The following PHC2 variants were observed in gnomAD, a reference collection of about 807,000 sequenced individuals.
PHC2 encodes polyhomeotic homolog 2.
PHC2 carries 29 observed loss-of-function variants against 87.4 expected under a neutral mutation model. That is an observed-to-expected ratio of 0.33 (90% CI 0.25 to 0.45). The LOEUF (loss-of-function observed/expected upper bound fraction) is 0.45, where lower values mean the gene tolerates loss of function less well. Ranked by LOEUF, PHC2 falls within the 20% of genes least tolerant of loss-of-function variation. The pLI, the probability that PHC2 is intolerant of heterozygous loss-of-function variation, is 1.00. For missense variants in PHC2, 857 were observed against 1,136.7 expected, an observed-to-expected ratio of 0.75 and a Z score of 3.54; for synonymous variants, 438 against 461.7, an observed-to-expected ratio of 0.95 and a Z score of 0.66.
At chr1:33,403,304 T>C (rs566120736) in intron 1 of PHC2, among the ~76,000 whole-genome samples, 2 of 150,900 alleles carry the variant, frequency 1.3e-5, no homozygotes, top group Admixed American at 1.3e-4. Flanking sequence ...TTTTTGTATT[T>C]TTAGTAGAGA....
At chr1:33,410,853 TAACA>T (rs1649954797) in intron 1 of PHC2, among the ~76,000 whole-genome samples, 1 of 152,136 alleles carries the variant, frequency 6.6e-6, no homozygotes, top group Non-Finnish European at 1.5e-5. Context: ...AAATACTCAG[TAACA>T]AACAACAAAA....
chr1:33,353,012 T>C (rs750578039), intron 9 of PHC2, among the ~76,000 whole-genome samples: 21 of 152,170 alleles, frequency 1.4e-4, no homozygotes, highest in Non-Finnish European at 2.6e-4. Flanking sequence ...AAAACATGGA[T>C]CTAGGGAACA....
chr1:33,351,261 G>GT (rs1213758813), intron 9 of PHC2, among the ~76,000 whole-genome samples: 1 of 152,114 alleles, frequency 6.6e-6, no homozygotes, highest in East Asian at 1.9e-4. Flanking sequence ...TAATTTTCAT[G>GT]TATCATGAAA....
chr1:33,331,584 T>C lies in PHC2; in HGVS notation c.1892-122A>G. The C allele has an allele frequency of 1.6e-6, 1 of 637,880 alleles. No individual in the cohort carries two copies. The highest frequency in any genetic ancestry group is 2.9e-6 in the Non-Finnish European group (1 of 350,732). The allele number at this position is 637,880 out of a possible 1,614,324, so 39.5% of individuals were successfully genotyped here. A position where few individuals can be genotyped will look rare whatever the true frequency, so the allele number is the denominator to read the frequency against. The stretch of plus-strand genomic sequence containing the variant: ...TCCTCCTGCTCCCACAGCTGTGACA[T>C]ACAGCAGCATTCTAGCATGGAAAAT... On this transcript the variant is annotated intron_variant, in intron 11 of 14. Coordinates refer to ENST00000683057, the MANE Select transcript of PHC2 (RefSeq NM_001385109.1). The surrounding 1 kb of genome is among the most constrained non-coding windows in gnomAD (Gnocchi z 5.2).
chr1:33,343,787 GT>G (rs1646793360), intron 9 of PHC2, among the ~76,000 whole-genome samples: 1 of 152,212 alleles, frequency 6.6e-6, no homozygotes, highest in Non-Finnish European at 1.5e-5. Flanking sequence ...GGTATCTGAG[GT>G]TTGTGTTCCT....
intron 9 of PHC2, among the ~76,000 whole-genome samples, chr1:33,352,522 C>T (rs1038129604): frequency 5.9e-5 from 9 of 152,182 alleles, no homozygotes; most frequent in African/African-American, 2.2e-4. Context: ...TTAATCATTA[C>T]TGTTTTCTTG....
At chr1:33,407,055 T>TA (rs1158385520) in intron 1 of PHC2, among the ~76,000 whole-genome samples, 5 of 152,242 alleles carry the variant, frequency 3.3e-5, no homozygotes, top group Non-Finnish European at 5.9e-5. Flanking sequence ...TACTGATTAA[T>TA]ATGTTCACTG....
At chr1:33,343,653 A>G (rs1646790289) in intron 9 of PHC2, among the ~76,000 whole-genome samples, 1 of 152,192 alleles carries the variant, frequency 6.6e-6, no homozygotes, top group Non-Finnish European at 1.5e-5. Flanking sequence ...GAGCTTGGAC[A>G]CAGGAGTGCC....
chr1:33,385,892 G>T (rs1038009216), intron 1 of PHC2, among the ~76,000 whole-genome samples: 4 of 151,772 alleles, frequency 2.6e-5, no homozygotes, highest in African/African-American at 4.8e-5. Context: ...TGTCTCCCAG[G>T]TTCATGCAAT....
chr1:33,378,810 G>A (rs1277542338), intron 1 of PHC2, among the ~76,000 whole-genome samples: 2 of 151,890 alleles, frequency 1.3e-5, no homozygotes, highest in Non-Finnish European at 1.5e-5. Flanking sequence ...TTCCTACATG[G>A]AAAAATAATA....
chr1:33,430,138 T>C (rs1650843412), intron 1 of PHC2, among the ~76,000 whole-genome samples: 1 of 152,040 alleles, frequency 6.6e-6, no homozygotes, highest in Non-Finnish European at 1.5e-5. Context: ...GGGGGGAAGA[T>C]GAATTTAAAC....
At chr1:33,351,641 C>T (rs1161903155) in intron 9 of PHC2, among the ~76,000 whole-genome samples, 1 of 152,186 alleles carries the variant, frequency 6.6e-6, no homozygotes, top group African/African-American at 2.4e-5. Context: ...GTGCTTTGCA[C>T]AGAGCAGGCA....
chr1:33,372,587 G>A, intron 2 of PHC2, 140 bp from the exon 3 acceptor site: 1 of 597,788 alleles, frequency 1.7e-6, no homozygotes, highest in South Asian at 3.9e-5. Flanking sequence ...ACAGCCAATT[G>A]TGGCCACTCT....
chr1:33,413,603 G>A (rs1476430622), intron 1 of PHC2, among the ~76,000 whole-genome samples: 1 of 152,332 alleles, frequency 6.6e-6, no homozygotes, highest in Admixed American at 6.5e-5. Flanking sequence ...AAGATTGTAA[G>A]TTTAAAAGAC....
At chr1:33,342,663 C>G (rs1171288631) in intron 9 of PHC2, among the ~76,000 whole-genome samples, 1 of 152,166 alleles carries the variant, frequency 6.6e-6, no homozygotes, top group African/African-American at 2.4e-5. Context: ...ACCAGAGTGA[C>G]TTCCACCAGG....
chr1:33,324,788 G>GC lies in PHC2; in HGVS notation c.*76dup. 1 of 1,469,916 alleles carries GC rather than the reference G, an allele frequency of 6.8e-7. No homozygotes were observed. Among genetic ancestry groups the GC allele is most frequent in the Admixed American group, 2.2e-5 (1 of 46,332 alleles). 91.1% of individuals were successfully genotyped at this position (1,469,916 alleles called of 1,614,324 possible). A position where few individuals can be genotyped will look rare whatever the true frequency, so the allele number is the denominator to read the frequency against. On this transcript the variant is annotated 3_prime_UTR_variant, in exon 15 of 15. Transcript: ENST00000683057. ...GCCCTCCAACCGGCCCCATTTCTGG[G>GC]CCCCTCAGGAATGTCTGTCTGGCTC...
Position 33,349,764 on chromosome 1 carries a change from G to C in PHC2, c.1558+4637C>G. 1 of 981,134 alleles carries C rather than the reference G, an allele frequency of 1.0e-6. No individual in the cohort carries two copies. The highest frequency in any genetic ancestry group is 1.2e-6 in the Non-Finnish European group (1 of 828,350). The allele number at this position is 981,134 out of a possible 1,614,324, so 60.8% of individuals were successfully genotyped here. On this transcript the variant is annotated intron_variant, in intron 9 of 14. Transcript: ENST00000683057. This position sits in a 1 kb window ranked among gnomAD's most constrained non-coding sequence, Gnocchi z 4.2. ...CGCATCCGACCGCACCGGCCTGGCC[G>C]GCGTCAACAAAGGGCGGCCGGGGCG...
chr1:33,342,386 A>G (rs1214497915), intron 9 of PHC2, among the ~76,000 whole-genome samples: 1 of 152,202 alleles, frequency 6.6e-6, no homozygotes, highest in African/African-American at 2.4e-5. Flanking sequence ...ACACAGGCAA[A>G]GAGAACGGCC....
At chr1:33,356,275 A>ATATATATATATATATATG (rs1222633753) in intron 7 of PHC2, among the ~76,000 whole-genome samples, 1 of 102,794 alleles carries the variant, frequency 9.7e-6, no homozygotes, top group Admixed American at 9.3e-5. Flanking sequence ...ATATATATAT[A>ATATATATATATATATATG]TGTATATATA....
Sources: allele counts gnomAD v4.1 joint callset (sites outside exome capture counted in the v4.1 genomes callset), GRCh38; gene constraint gnomAD v4.1.1; non-coding constraint Gnocchi (gnomAD v3.1); transcripts MANE v1.5; gene names NCBI Gene and HGNC (gene_info 2026-07-23, HGNC 2026-07-21).